TET1: variants seen among roughly 807,000 people sequenced by gnomAD.
The protein encoded by TET1 is methylcytosine dioxygenase TET1.
A neutral mutation model predicts 148.7 loss-of-function variants in TET1; 13 were observed. The observed-to-expected ratio is 0.09, with a 90% CI of 0.06 to 0.14. TET1 has a LOEUF of 0.14. Ranked by LOEUF, TET1 falls within the 10% of genes least tolerant of loss-of-function variation. The probability of loss-of-function intolerance (pLI) is 1.00; values close to 1 mark genes in which losing one functional copy is unlikely to be tolerated. For synonymous variants in TET1, 907 were observed against 937.2 expected (o/e 0.97, Z 0.59); for missense variants, 2,182 against 2,553.8 (o/e 0.85, Z 3.14).
intron 11 of TET1, among the ~76,000 whole-genome samples, chr10:68,689,050 G>C (rs185901891): frequency 1.3e-3 from 205 of 152,284 alleles, no homozygotes; most frequent in Middle Eastern, 3.4e-3. Flanking sequence ...TAAGCATAAT[G>C]TACAATACTT....
intron 3 of TET1, among the ~76,000 whole-genome samples, chr10:68,606,298 C>T (rs376249860): frequency 2.0e-5 from 3 of 152,082 alleles, no homozygotes; most frequent in Non-Finnish European, 4.4e-5. Context: ...ACCTGGAAGG[C>T]GGAGGTGGCA....
At chr10:68,584,030 A>C (rs1011305593) in intron 2 of TET1, among the ~76,000 whole-genome samples, 79 of 152,228 alleles carry the variant, frequency 5.2e-4, no homozygotes, top group African/African-American at 1.8e-3. Flanking sequence ...GTGAATGAAT[A>C]AAATATCTTT....
At chr10:68,611,422 T>C (rs2132923676) in intron 3 of TET1, among the ~76,000 whole-genome samples, 1 of 152,016 alleles carries the variant, frequency 6.6e-6, no homozygotes, top group South Asian at 2.1e-4. Flanking sequence ...GACCGTGGTA[T>C]GCTATGAGAG....
intron 10 of TET1, among the ~76,000 whole-genome samples, chr10:68,685,297 C>T (rs564311756): frequency 6.6e-6 from 1 of 152,260 alleles, no homozygotes; most frequent in African/African-American, 2.4e-5. Flanking sequence ...TGGTATCTAT[C>T]AAGTTCTACC....
At chr10:68,666,989 T>G (rs905036353) in intron 6 of TET1, 56 bp from the exon 7 acceptor site, 3 of 1,424,074 alleles carry the variant, frequency 2.1e-6, no homozygotes, top group Admixed American at 1.9e-5. Flanking sequence ...GAATATCCAT[T>G]GCATTCAAAT....
chr10:68,656,217 G>A (rs10998368), intron 6 of TET1, among the ~76,000 whole-genome samples: 1,633 of 152,178 alleles, frequency 0.011, 32 homozygotes, highest in African/African-American at 0.037. Context: ...TAAATGTAAC[G>A]TACTCGAATC....
chr10:68,683,123 A>G (rs972840477), intron 10 of TET1, 150 bp downstream of exon 10: 3 of 954,504 alleles, frequency 3.1e-6, no homozygotes, highest in African/African-American at 1.7e-5. Flanking sequence ...AAAAAAAGAA[A>G]TAAGTGTGTA....
intron 3 of TET1, among the ~76,000 whole-genome samples, chr10:68,608,322 G>A (rs576520019): frequency 1.3e-5 from 2 of 151,582 alleles, no homozygotes; most frequent in South Asian, 2.1e-4. Flanking sequence ...TGCAACCTCC[G>A]TCTCCCAGGT....
At position 68,693,242 on chromosome 10, in the gene TET1, C is replaced by G. The variant is rs2055616080; in HGVS notation, c.*1428C>G. 4.3e-6 allele frequency: 1 copy of G among 232,592 alleles called. No homozygotes were observed. The highest frequency in any genetic ancestry group is 8.5e-6 in the Non-Finnish European group (1 of 117,644). The allele number at this position is 232,592 out of a possible 1,614,324, so 14.4% of individuals were successfully genotyped here. Reference sequence around the variant, plus strand: ...TGCAAAACAAAAAGGATTACCCAAACAACATGTTTCGAACAAGGAGAATTT... The same window carrying G: ...TGCAAAACAAAAAGGATTACCCAAAGAACATGTTTCGAACAAGGAGAATTT... On this transcript the variant is annotated 3_prime_UTR_variant, in exon 12 of 12. Coordinates refer to ENST00000373644, the MANE Select transcript of TET1 (RefSeq NM_030625.3).
At chr10:68,595,983 T>TACATACACCATACACACAC (rs1564958967) in intron 2 of TET1, among the ~76,000 whole-genome samples, 1 of 50,406 alleles carries the variant, frequency 2.0e-5, no homozygotes, top group African/African-American at 8.0e-5. Context: ...CACACATATA[T>TACATACACCATACACACAC]ACACACACAC....
intron 2 of TET1, among the ~76,000 whole-genome samples, chr10:68,592,930 G>C (rs2053935060): frequency 6.6e-6 from 1 of 152,080 alleles, no homozygotes; most frequent in Non-Finnish European, 1.5e-5. Flanking sequence ...TCAGCACTAT[G>C]TCTGCATGAG....
In TET1 at chr10:68,692,006, G is replaced by T; in HGVS notation, c.*192G>T. 1.6e-6 allele frequency: 1 copy of T among 607,490 alleles called. No individual in the cohort carries two copies. The highest frequency in any genetic ancestry group is 1.8e-5 in the African/African-American group (1 of 54,382). 37.6% of individuals were successfully genotyped at this position (607,490 alleles called of 1,614,324 possible). A position where few individuals can be genotyped will look rare whatever the true frequency, so the allele number is the denominator to read the frequency against. The stretch of plus-strand genomic sequence containing the variant: ...TATATTTTGACAATTGGTAGAAGGT[G>T]CACATTTTAAGCAAAAATAAAAGTT... On this transcript the variant is annotated 3_prime_UTR_variant, in exon 12 of 12. Transcript: ENST00000373644.
rs780287443 is a variant in TET1 at position 68,573,878 on chromosome 10, G to C, written c.1540G>C (p.Gly514Arg). The change falls in exon 2 of 12, where the codon GGG (glycine) becomes CGG (arginine). Residue 514 changes from glycine to arginine, a missense_variant. This residue lies in a region of TET1 where 665 missense variants were observed against 672.4 expected (regional missense o/e 0.99). Transcript: ENST00000373644. ...HISFLPANTQGFPLAPERGLF... is the reference protein window; with the variant it reads ...HISFLPANTQRFPLAPERGLF... ...AAGCTTCCTGCCAGCTAACACTCAG[G>C]GGTTCCCATTAGCCCCTGAGAGAGG... is the stretch of plus-strand genomic sequence containing the variant. The C allele has an allele frequency of 6.2e-7, 1 of 1,614,098 alleles. No individual in the cohort carries two copies. Among genetic ancestry groups the C allele is most frequent in the Admixed American group, 1.7e-5 (1 of 60,012 alleles).
intron 11 of TET1, among the ~76,000 whole-genome samples, chr10:68,687,441 G>A (rs1334141476): frequency 6.6e-6 from 1 of 152,092 alleles, no homozygotes; most frequent in East Asian, 1.9e-4. Flanking sequence ...TGTTGGCATA[G>A]ATAAGAGACA....
In TET1 at chr10:68,652,608, A is replaced by G. The variant is rs766870808; in HGVS notation, c.4461+14A>G. On this transcript the variant is annotated intron_variant, in intron 6 of 11. Coordinates refer to ENST00000373644, the MANE Select transcript of TET1 (RefSeq NM_030625.3). Reference sequence around the variant, plus strand: ...ATTGCTAAGTGGGTAAGTATTTCCTATTTATACATTTTTTTGAAGCTTGTT... The same window carrying G: ...ATTGCTAAGTGGGTAAGTATTTCCTGTTTATACATTTTTTTGAAGCTTGTT... 1.5e-5 allele frequency: 23 copies of G among 1,576,012 alleles called. No homozygotes were observed. The highest frequency in any genetic ancestry group is 1.8e-5 in the Non-Finnish European group (21 of 1,151,668).
intron 1 of TET1, among the ~76,000 whole-genome samples, chr10:68,569,377 T>C (rs2053642414): frequency 6.6e-6 from 1 of 151,874 alleles, no homozygotes; most frequent in Non-Finnish European, 1.5e-5. Context: ...GGTTTCACCG[T>C]GTTAGCCAGG....
intron 3 of TET1, among the ~76,000 whole-genome samples, chr10:68,643,924 A>C (rs1564987435): frequency 2.0e-5 from 3 of 149,996 alleles, no homozygotes. Flanking sequence ...ATTTTTTTTG[A>C]GACAGAGTCT....
At chr10:68,673,412 A>G (rs2055300613) in intron 8 of TET1, 1 of 401,316 alleles carries the variant, frequency 2.5e-6, no homozygotes, top group Non-Finnish European at 5.0e-6. Context: ...CCTACTATGA[A>G]AGAATTACTA....
chr10:68,639,367 A>C (rs2054704152), intron 3 of TET1, among the ~76,000 whole-genome samples: 1 of 151,936 alleles, frequency 6.6e-6, no homozygotes, highest in Admixed American at 6.6e-5. Flanking sequence ...GGTTGCAGTG[A>C]GCTGAGATCT....
Sources: allele counts gnomAD v4.1 joint callset (sites outside exome capture counted in the v4.1 genomes callset), GRCh38; gene constraint gnomAD v4.1.1; regional missense constraint gnomAD v4.1.1; transcripts MANE v1.5; gene names NCBI Gene and HGNC (gene_info 2026-07-23, HGNC 2026-07-21).